FHIT: variants seen among roughly 807,000 people sequenced by gnomAD.
The protein encoded by FHIT is bis(5'-adenosyl)-triphosphatase.
A neutral mutation model predicts 17.9 loss-of-function variants in FHIT; 19 were observed. The ratio of observed to expected loss-of-function variants is 1.06; its 90% CI spans 0.74 to 1.56. The LOEUF is 1.56. Among genes scored for constraint, FHIT ranks in the 40% most tolerant of loss-of-function variants. The pLI, the probability that FHIT is intolerant of heterozygous loss-of-function variation, is 0.00. For synonymous variants in FHIT, 81 were observed against 69.7 expected, an observed-to-expected ratio of 1.16 and a Z score of -0.81; for missense variants, 248 against 189.2, an observed-to-expected ratio of 1.31 and a Z score of -1.82.
chr3:61,024,875 C>G (rs544532125), intron 3 of FHIT, among the ~76,000 whole-genome samples: 78 of 152,040 alleles, frequency 5.1e-4, no homozygotes, highest in African/African-American at 1.9e-3. Flanking sequence ...GATTAATGTA[C>G]AAGTGACAGC....
At chr3:61,078,193 ATAT>A (rs1382822233) in intron 2 of FHIT, among the ~76,000 whole-genome samples, 1 of 152,174 alleles carries the variant, frequency 6.6e-6, no homozygotes, top group Non-Finnish European at 1.5e-5. Context: ...ACTTCTAAAT[ATAT>A]AAATCCCAGG....
At chr3:60,577,766 C>T (rs1423294177) in intron 4 of FHIT, among the ~76,000 whole-genome samples, 7 of 152,072 alleles carry the variant, frequency 4.6e-5, no homozygotes, top group Admixed American at 4.6e-4. Flanking sequence ...AAATGAGATG[C>T]TCTGTCTTAA....
chr3:60,305,254 G>A (rs1708619861), intron 5 of FHIT, among the ~76,000 whole-genome samples: 1 of 152,040 alleles, frequency 6.6e-6, no homozygotes, highest in Non-Finnish European at 1.5e-5. Context: ...TCCTGAAGAA[G>A]TCCTTGTCAA....
At chr3:59,828,636 A>G (rs1219546358) in intron 8 of FHIT, among the ~76,000 whole-genome samples, 1 of 152,220 alleles carries the variant, frequency 6.6e-6, no homozygotes, top group Non-Finnish European at 1.5e-5. Flanking sequence ...ACCAAATTAC[A>G]TTAAATCTTT....
At chr3:60,633,020 G>T (rs1259423703) in intron 4 of FHIT, among the ~76,000 whole-genome samples, 1 of 152,184 alleles carries the variant, frequency 6.6e-6, no homozygotes, top group Non-Finnish European at 1.5e-5. Context: ...ATGGGAGAGT[G>T]TAAGAAGAAC....
At chr3:60,201,848 G>GA (rs5849343) in intron 5 of FHIT, among the ~76,000 whole-genome samples, 6 of 147,854 alleles carry the variant, frequency 4.1e-5, no homozygotes, top group African/African-American at 7.5e-5. Flanking sequence ...GTCTCAGGGA[G>GA]AAAAAAAAAA....
At chr3:60,016,589 G>A (rs755162592) in intron 5 of FHIT, among the ~76,000 whole-genome samples, 1 of 152,152 alleles carries the variant, frequency 6.6e-6, no homozygotes, top group Non-Finnish European at 1.5e-5. Flanking sequence ...TCTAATGTCC[G>A]CAACTGTCAT....
intron 3 of FHIT, among the ~76,000 whole-genome samples, chr3:60,864,809 C>A (rs2107024770): frequency 6.6e-6 from 1 of 152,142 alleles, no homozygotes; most frequent in South Asian, 2.1e-4. Context: ...GTATAGCCCA[C>A]AAGTATAATG....
At chr3:60,145,643 G>T (rs1483227341) in intron 5 of FHIT, among the ~76,000 whole-genome samples, 1 of 152,162 alleles carries the variant, frequency 6.6e-6, no homozygotes, top group African/African-American at 2.4e-5. Flanking sequence ...TAACAAAATA[G>T]ATGGTCCTAG....
chr3:60,444,066 T>A (rs1466170509), intron 5 of FHIT, among the ~76,000 whole-genome samples: 3 of 152,160 alleles, frequency 2.0e-5, no homozygotes, highest in African/African-American at 4.8e-5. Context: ...AGAAGACATT[T>A]ATGCAGCCAA....
intron 4 of FHIT, among the ~76,000 whole-genome samples, chr3:60,634,496 A>G (rs1404759657): frequency 6.6e-6 from 1 of 152,132 alleles, no homozygotes; most frequent in African/African-American, 2.4e-5. Flanking sequence ...AATCCCTCTC[A>G]CATATAAAAA....
intron 3 of FHIT, among the ~76,000 whole-genome samples, chr3:60,868,709 A>G (rs544603628): frequency 6.6e-6 from 1 of 152,304 alleles, no homozygotes; most frequent in East Asian, 1.9e-4. Context: ...TTTCATACCG[A>G]CATTAACTCC....
At chr3:60,415,472 G>A (rs1243262463) in intron 5 of FHIT, among the ~76,000 whole-genome samples, 8 of 151,930 alleles carry the variant, frequency 5.3e-5, no homozygotes, top group African/African-American at 1.7e-4. Context: ...GGCAACCACA[G>A]CTTCTCCTAA....
intron 3 of FHIT, among the ~76,000 whole-genome samples, chr3:60,922,784 C>G (rs782630245): frequency 1.3e-5 from 2 of 152,166 alleles, no homozygotes; most frequent in Admixed American, 1.3e-4. Flanking sequence ...AGTTAACTGT[C>G]TGCCATCTAC....
intron 3 of FHIT, among the ~76,000 whole-genome samples, chr3:60,897,249 C>T (rs1481040993): frequency 6.6e-6 from 1 of 152,154 alleles, no homozygotes; most frequent in Non-Finnish European, 1.5e-5. Context: ...AGAAGTTGAA[C>T]ATATTTTCAT....
At chr3:60,532,545 G>A (rs371168703) in intron 5 of FHIT, among the ~76,000 whole-genome samples, 84 of 152,310 alleles carry the variant, frequency 5.5e-4, no homozygotes, top group African/African-American at 2.0e-3. Context: ...TCTTCAAAAT[G>A]ATTCTGTCAC....
At chr3:59,866,467 T>C (rs887294620) in intron 8 of FHIT, among the ~76,000 whole-genome samples, 1 of 152,144 alleles carries the variant, frequency 6.6e-6, no homozygotes, top group South Asian at 2.1e-4. Context: ...AATGGAAGGT[T>C]GACAACGGGG....
chr3:61,008,617 T>C (rs2031596967), intron 3 of FHIT, among the ~76,000 whole-genome samples: 1 of 152,226 alleles, frequency 6.6e-6, no homozygotes, highest in African/African-American at 2.4e-5. Context: ...TACTCTGTGA[T>C]GTCAGTAATG....
intron 3 of FHIT, among the ~76,000 whole-genome samples, chr3:60,991,186 G>C (rs1020905563): frequency 3.3e-5 from 5 of 152,162 alleles, no homozygotes; most frequent in African/African-American, 1.2e-4. Flanking sequence ...GCCATAAAAA[G>C]ATCTGGAGAG....
Sources: gnomAD v4.1 joint callset for allele counts (sites outside exome capture counted in the v4.1 genomes callset) on GRCh38, gnomAD v4.1.1 for gene constraint, MANE v1.5 for transcripts, NCBI Gene and HGNC (gene_info 2026-07-23, HGNC 2026-07-21) for gene names.